The following CRYM variants were observed in gnomAD, a reference collection of about 807,000 sequenced individuals.
CRYM encodes the protein crystallin mu.
A neutral mutation model predicts 32.9 loss-of-function variants in CRYM; 18 were observed. The ratio of observed to expected loss-of-function variants is 0.55; its 90% confidence interval spans 0.38 to 0.81. The LOEUF is 0.81. Among genes scored for constraint, CRYM ranks in the 30% least tolerant of loss-of-function variants. The probability of loss-of-function intolerance (pLI) is 0.00; values close to 1 mark genes in which losing one functional copy is unlikely to be tolerated. For synonymous variants in CRYM, 153 were observed against 152.4 expected, an observed-to-expected ratio of 1.00 and a Z score of -0.03; for missense variants, 337 against 393.5, an observed-to-expected ratio of 0.86 and a Z score of 1.21.
Position 21,277,460 on chromosome 16 carries a change from A to G in CRYM, c.295T>C (p.Phe99Leu). 6.2e-7 allele frequency: 1 copy of G among 1,613,724 alleles called. No individual in the cohort carries two copies. The stretch of plus-strand genomic sequence containing the variant: ...AGCAGGGTGCCATTGCTGGGCTCAA[A>G]GAGTAGCACAGTAGCCTGGTGGGAA... Reference protein sequence around the residue: ...VPSHQATVLLFEPSNGTLLAV... With the variant: ...VPSHQATVLLLEPSNGTLLAV... Residue 99 changes from phenylalanine (F) to leucine (L), a missense_variant, in exon 2 of 8, where the codon TTT (phenylalanine) becomes CTT (leucine). Physicochemically the swap from Phe to Leu is conservative, Grantham distance 22. Coordinates refer to ENST00000572914, the MANE Select transcript of CRYM (RefSeq NM_001376256.1). This position sits in a 1 kb window ranked among gnomAD's most constrained non-coding sequence, Gnocchi z 4.2.
At position 21,262,072 on chromosome 16, in the gene CRYM, C is replaced by A; in HGVS notation, c.760G>T (p.Ala254Ser). 1.2e-6 allele frequency: 2 copies of A among 1,614,122 alleles called. No individual in the cohort carries two copies. Among genetic ancestry groups the A allele is most frequent in the South Asian group, 1.1e-5 (1 of 91,078 alleles). ...AVLYVDSQEA[A>S]LKESGDVLLS... The stretch of plus-strand genomic sequence containing the variant: ...AGGACATCTCCAGACTCCTTCAGGG[C>A]AGCCTCCTGGGAATCCACGTACAGC... The change falls in exon 6 of 8, where the codon GCC becomes TCC. Residue 254 changes from alanine (A) to serine (S), a missense_variant. By Grantham distance (99) the Ala-to-Ser change is moderately conservative. Transcript: ENST00000572914.
At chr16:21,287,131 A>G (rs1216255709) in intron 1 of CRYM, among the ~76,000 whole-genome samples, 1 of 152,198 alleles carries the variant, frequency 6.6e-6, no homozygotes, top group African/African-American at 2.4e-5. Flanking sequence ...AGAATTTGAA[A>G]TTTGATTTTT....
rs1156405897 is a variant in CRYM, at chr16:21,261,285, G to A, written c.849C>T (p.His283=). 1.2e-6 allele frequency: 2 copies of A among 1,614,038 alleles called. No individual in the cohort carries two copies. The highest frequency in any genetic ancestry group is 1.1e-5 in the South Asian group (1 of 91,066). The part of the protein sequence containing the change: ...GEVIKGVKPA[H]CEKTTVFKSL... The stretch of plus-strand genomic sequence containing the variant: ...ACTTGAACACGGTGGTCTTCTCACA[G>A]TGGGCTGGTTTCACTCCCTTAATCA... The change falls in exon 7 of 8, where the codon CAC becomes CAT. Residue 283 remains histidine, a synonymous_variant. Coordinates refer to ENST00000572914, the MANE Select transcript of CRYM (RefSeq NM_001376256.1).
chr16:21,266,712 A>T (rs892279095), intron 5 of CRYM, among the ~76,000 whole-genome samples: 1 of 152,214 alleles, frequency 6.6e-6, no homozygotes, highest in East Asian at 1.9e-4. Context: ...ATAATTTTAC[A>T]TGTTATGGTC....
chr16:21,287,527 G>A (rs1279193724), intron 1 of CRYM, among the ~76,000 whole-genome samples: 1 of 152,212 alleles, frequency 6.6e-6, no homozygotes, highest in Non-Finnish European at 1.5e-5. Flanking sequence ...GGTTGCCAGA[G>A]GAATCAACCA....
At chr16:21,284,630 G>A (rs1234159761) in intron 1 of CRYM, among the ~76,000 whole-genome samples, 3 of 152,040 alleles carry the variant, frequency 2.0e-5, no homozygotes, top group Non-Finnish European at 4.4e-5. Context: ...TTTTATGGCT[G>A]TATAGTATTC....
Position 21,270,596 on chromosome 16 carries a change from T to A in CRYM, c.388-705A>T, listed in dbSNP as rs945537641. 7.9e-5 allele frequency among the ~76,000 whole-genome samples: 12 copies of A among 152,110 alleles called. 1 individual carries two copies. The highest frequency in any genetic ancestry group is 5.9e-4 in the Admixed American group (9 of 15,278). On this transcript the variant is annotated intron_variant, in intron 3 of 7. Coordinates refer to ENST00000572914, the MANE Select transcript of CRYM (RefSeq NM_001376256.1). ...ACCGCACCTAGCCAGGTCTTACAAC[T>A]ATTGAAGGGCACAGTGTGGCTCTAA...
intron 1 of CRYM, among the ~76,000 whole-genome samples, chr16:21,299,340 A>C (rs367994675): frequency 6.6e-6 from 1 of 150,678 alleles, no homozygotes; most frequent in Non-Finnish European, 1.5e-5. Flanking sequence ...ACAGAGTCTC[A>C]CTCTGTCACC....
intron 1 of CRYM, chr16:21,301,443 T>G (rs1244785289): frequency 7.2e-6 from 1 of 137,996 alleles, no homozygotes; most frequent in Non-Finnish European, 1.5e-5. Flanking sequence ...GGTGGGAGCA[T>G]GAGACGAGGT....
At chr16:21,297,786 C>T (rs1274394112) in intron 1 of CRYM, among the ~76,000 whole-genome samples, 1 of 152,012 alleles carries the variant, frequency 6.6e-6, no homozygotes, top group Admixed American at 6.5e-5. Context: ...CATATTGGTC[C>T]TCTCAGTAAA....
intron 7 of CRYM, among the ~76,000 whole-genome samples, chr16:21,260,064 A>G (rs545638665): frequency 6.6e-6 from 1 of 152,192 alleles, no homozygotes; most frequent in South Asian, 2.1e-4. Context: ...TGCATGAGAG[A>G]TTTTAAAGAC....
chr16:21,282,584 C>T (rs1225162689), upstream of CRYM, among the ~76,000 whole-genome samples: 5 of 152,050 alleles, frequency 3.3e-5, no homozygotes, highest in African/African-American at 7.3e-5. Context: ...TTCTGACTCC[C>T]ACATTACTAG....
upstream of CRYM, among the ~76,000 whole-genome samples, chr16:21,283,063 C>T (rs1301169258): frequency 6.6e-6 from 1 of 152,136 alleles, no homozygotes; most frequent in Non-Finnish European, 1.5e-5. Flanking sequence ...GAGACCTTGT[C>T]CTGGGACAAG....
chr16:21,301,634 C>T (rs1960938548), intron 1 of CRYM, among the ~76,000 whole-genome samples: 1 of 152,238 alleles, frequency 6.6e-6, no homozygotes, highest in Non-Finnish European at 1.5e-5. Flanking sequence ...GAGGTTCTTG[C>T]GTGCTCCCCT....
intron 1 of CRYM, among the ~76,000 whole-genome samples, chr16:21,287,769 C>T (rs1005359940): frequency 1.7e-4 from 26 of 152,224 alleles, no homozygotes; most frequent in African/African-American, 6.0e-4. Context: ...AGCTCTGTGT[C>T]CCATGCCCCT....
chr16:21,283,042 C>A (rs886130586), upstream of CRYM, among the ~76,000 whole-genome samples: 1 of 152,070 alleles, frequency 6.6e-6, no homozygotes. Flanking sequence ...CTCTTTTCCC[C>A]GCCCTTCCCT....
At chr16:21,281,172 A>T, upstream of CRYM, among the ~76,000 whole-genome samples, 1 of 151,766 alleles carries the variant, frequency 6.6e-6, no homozygotes, top group Non-Finnish European at 1.5e-5. Context: ...ATGTATATAC[A>T]TATATACGTA....
At chr16:21,263,652 C>T (rs2093358665) in intron 5 of CRYM, among the ~76,000 whole-genome samples, 1 of 152,240 alleles carries the variant, frequency 6.6e-6, no homozygotes, top group Non-Finnish European at 1.5e-5. Context: ...ACTGTCACAT[C>T]CTCTATGGAG....
chr16:21,278,438 A>C, upstream of CRYM: 1 of 660,046 alleles, frequency 1.5e-6, no homozygotes, highest in Non-Finnish European at 2.6e-6. Context: ...TCGACCCCTA[A>C]GGGTGGGCGA....
Sources: allele counts gnomAD v4.1 joint callset (sites outside exome capture counted in the v4.1 genomes callset), GRCh38; gene constraint gnomAD v4.1.1; non-coding constraint Gnocchi (gnomAD v3.1); transcripts MANE v1.5; gene names NCBI Gene and HGNC (gene_info 2026-07-23, HGNC 2026-07-21).